KCNN2: variants seen among roughly 807,000 people sequenced by gnomAD.
KCNN2 encodes the protein potassium calcium-activated channel subfamily N member 2.
KCNN2 carries 24 observed loss-of-function variants against 55.5 expected under a neutral mutation model. The observed-to-expected ratio is 0.43, with a 90% CI of 0.31 to 0.61. The LOEUF (loss-of-function observed/expected upper bound fraction) is 0.61, where lower values mean the gene tolerates loss of function less well. KCNN2 is among the 20% of genes least tolerant of loss of function. The pLI, the probability that KCNN2 is intolerant of heterozygous loss-of-function variation, is 0.08. For synonymous variants in KCNN2, 431 were observed against 336.1 expected, an observed-to-expected ratio of 1.28 and a Z score of -3.09; for missense variants, 754 against 853.6, an observed-to-expected ratio of 0.88 and a Z score of 1.45.
chr5:114,435,787 A>T (rs1759983682), intron 3 of KCNN2, among the ~76,000 whole-genome samples: 2 of 152,268 alleles, frequency 1.3e-5, no homozygotes, highest in South Asian at 2.1e-4. Context: ...AAAGTCTTTT[A>T]ATTTTATGTT....
At chr5:114,369,552 T>TA (rs1757701892) in intron 2 of KCNN2, among the ~76,000 whole-genome samples, 1 of 152,280 alleles carries the variant, frequency 6.6e-6, no homozygotes, top group Admixed American at 6.5e-5. Context: ...CTCCAAAAGA[T>TA]AGTGAGGTAG....
intron 3 of KCNN2, among the ~76,000 whole-genome samples, chr5:114,443,697 T>A (rs1760299073): frequency 6.6e-6 from 1 of 152,230 alleles, no homozygotes; most frequent in African/African-American, 2.4e-5. Context: ...GCTCTTAAAA[T>A]TTTTATAGTA....
chr5:114,339,669 G>A (rs1396267637), intron 2 of KCNN2, among the ~76,000 whole-genome samples: 1 of 151,938 alleles, frequency 6.6e-6, no homozygotes, highest in Non-Finnish European at 1.5e-5. Context: ...CAGGCATGGT[G>A]GTGTATGCCT....
intron 2 of KCNN2, among the ~76,000 whole-genome samples, chr5:114,264,939 CCT>C (rs1467897890): frequency 2.6e-5 from 4 of 152,184 alleles, no homozygotes; most frequent in African/African-American, 7.2e-5. Flanking sequence ...TGCCTGAAAA[CCT>C]AACTCAGCAT....
At chr5:114,267,545 C>G (rs1486434072) in intron 2 of KCNN2, among the ~76,000 whole-genome samples, 1 of 152,100 alleles carries the variant, frequency 6.6e-6, no homozygotes, top group Non-Finnish European at 1.5e-5. Context: ...TGGTTGACCC[C>G]TGAATTTGGA....
At chr5:114,056,283 C>T (rs759477320) in exon 1 of KCNN2, 1 of 398,198 alleles carries the variant, frequency 2.5e-6, no homozygotes, top group Non-Finnish European at 4.4e-6. Context: ...TCCCGGGCCG[C>T]AAGCAGGCAC....
At chr5:114,242,083 A>T (rs1358233592) in intron 2 of KCNN2, among the ~76,000 whole-genome samples, 1 of 151,330 alleles carries the variant, frequency 6.6e-6, no homozygotes, top group Non-Finnish European at 1.5e-5. Flanking sequence ...ACACATGCAA[A>T]CACAGTGGGT....
intron 7 of KCNN2, among the ~76,000 whole-genome samples, chr5:114,495,479 T>G (rs2150144975): frequency 6.6e-6 from 1 of 152,340 alleles, no homozygotes; most frequent in South Asian, 2.1e-4. Context: ...TCTGTATTAT[T>G]TATTGTTCTT....
chr5:114,384,045 A>G (rs115847863), intron 2 of KCNN2, among the ~76,000 whole-genome samples: 2,472 of 152,318 alleles, frequency 0.016, 27 homozygotes, highest in Non-Finnish European at 0.025. Flanking sequence ...GTTGAGAATC[A>G]AATTCAAATC....
At chr5:114,211,543 G>T (rs1405426051) in intron 1 of KCNN2, among the ~76,000 whole-genome samples, 4 of 152,028 alleles carry the variant, frequency 2.6e-5, no homozygotes, top group Non-Finnish European at 1.5e-5. Context: ...GGGAACAACA[G>T]ACTCTGGGAC....
At chr5:114,434,809 C>A (rs762222099) in intron 3 of KCNN2, among the ~76,000 whole-genome samples, 48 of 152,110 alleles carry the variant, frequency 3.2e-4, no homozygotes, top group Non-Finnish European at 6.3e-4. Flanking sequence ...TTCCTTCCCT[C>A]AAATGCCAGA....
chr5:114,221,229 G>A (rs1008661766), intron 1 of KCNN2, among the ~76,000 whole-genome samples: 1 of 152,194 alleles, frequency 6.6e-6, no homozygotes, highest in African/African-American at 2.4e-5. Context: ...TTACACAAGT[G>A]CACATGGATA....
At chr5:114,171,665 G>A (rs1202076200) in intron 1 of KCNN2, among the ~76,000 whole-genome samples, 3 of 112,414 alleles carry the variant, frequency 2.7e-5, no homozygotes, top group South Asian at 3.8e-4. Context: ...CCAGAGCCTC[G>A]CTTTTCTTAT....
At chr5:114,421,744 G>A (rs1759477332) in intron 3 of KCNN2, among the ~76,000 whole-genome samples, 1 of 151,516 alleles carries the variant, frequency 6.6e-6, no homozygotes, top group African/African-American at 2.4e-5. Context: ...TGAGTAGCTG[G>A]GATTACAGGC....
At chr5:114,156,058 T>C (rs1752627282) in intron 1 of KCNN2, among the ~76,000 whole-genome samples, 1 of 152,230 alleles carries the variant, frequency 6.6e-6, no homozygotes, top group Non-Finnish European at 1.5e-5. Flanking sequence ...AATTTTTGTA[T>C]ATGATGTAAG....
At chr5:114,378,748 G>A (rs1758015984) in intron 2 of KCNN2, among the ~76,000 whole-genome samples, 1 of 152,040 alleles carries the variant, frequency 6.6e-6, no homozygotes, top group South Asian at 2.1e-4. Context: ...ATTGAGCTAG[G>A]CATCTCATTG....
chr5:114,358,058 G>T (rs1463171725), upstream of KCNN2, among the ~76,000 whole-genome samples: 2 of 151,496 alleles, frequency 1.3e-5, no homozygotes, highest in African/African-American at 4.8e-5. Flanking sequence ...CAGTGATGAT[G>T]AGCATTTTTT....
rs768689333 is a variant in KCNN2, at chr5:114,363,889, G to T, written c.1123-17G>T. On this transcript the variant is annotated splice_polypyrimidine_tract_variant and intron_variant, in intron 1 of 7. Transcript: ENST00000673685. ...GTGCTTCTTTCTTAAAAGTGCTTCT[G>T]TCTGACTGTGTTGCAGGCGTCGCTG... 5 of 1,602,456 alleles carry T rather than the reference G, an allele frequency of 3.1e-6. No individual in the cohort carries two copies. The highest frequency in any genetic ancestry group is 1.7e-4 in the Middle Eastern group (1 of 6,060).
intron 1 of KCNN2, among the ~76,000 whole-genome samples, chr5:114,157,537 G>A (rs1428231303): frequency 6.6e-6 from 1 of 152,056 alleles, no homozygotes; most frequent in South Asian, 2.1e-4. Context: ...GGGATGGCTG[G>A]GTCAAATGGT....
Sources: gnomAD v4.1 joint callset for allele counts (sites outside exome capture counted in the v4.1 genomes callset) on GRCh38, gnomAD v4.1.1 for gene constraint, MANE v1.5 for transcripts, NCBI Gene and HGNC (gene_info 2026-07-23, HGNC 2026-07-21) for gene names.